CCR6: variants seen among roughly 807,000 people sequenced by gnomAD.
The protein encoded by CCR6 is C-C motif chemokine receptor 6.
CCR6 carries 2 observed loss-of-function variants against 3.0 expected under a neutral mutation model. That is an observed-to-expected ratio of 0.66 (90% CI 0.27 to 2.07). CCR6 has a LOEUF of 2.07. Ranked by LOEUF, CCR6 falls within the 30% of genes most tolerant of loss-of-function variation. The pLI, the probability that CCR6 is intolerant of heterozygous loss-of-function variation, is 0.14. For synonymous variants in CCR6, 193 were observed against 184.3 expected (o/e 1.05, Z -0.38); for missense variants, 322 against 462.8 (o/e 0.70, Z 2.79).
At position 167,136,083 on chromosome 6, in the gene CCR6, C is replaced by A; in HGVS notation, c.-52C>A. On this transcript the variant is annotated 5_prime_UTR_variant, in exon 2 of 3. In the 5' UTR this introduces an upstream ATG that the reference lacks. Transcript: ENST00000341935. This position sits in a 1 kb window ranked among gnomAD's most constrained non-coding sequence, Gnocchi z 4.6. ...TACCGCTGCCTGTGAGCTGAAGGGG[C>A]TGAACCATACACTCCTTTTTCTACA... is the stretch of plus-strand genomic sequence containing the variant. 1 of 1,604,648 alleles carries A rather than the reference C, an allele frequency of 6.2e-7. No individual in the cohort carries two copies.
At chr6:167,134,827 G>A (rs1020964433) in intron 1 of CCR6, 3 of 152,304 alleles carry the variant, frequency 2.0e-5, no homozygotes, top group African/African-American at 4.8e-5. Flanking sequence ...TCAGGCCATG[G>A]ATTTTACTGG....
upstream of CCR6, among the ~76,000 whole-genome samples, chr6:167,122,473 G>A (rs41364647): frequency 9.7e-4 from 148 of 152,282 alleles, no homozygotes; most frequent in Middle Eastern, 3.4e-3. This position sits in a 1 kb window ranked among gnomAD's most constrained non-coding sequence, Gnocchi z 4.2. Context: ...TTAGGTGCCC[G>A]CTTTTGATTG....
intron 1 of CCR6, chr6:167,115,549 T>C (rs1164430032): frequency 1.3e-5 from 2 of 152,194 alleles, no homozygotes; most frequent in African/African-American, 2.4e-5. Context: ...TGTATCTGAC[T>C]TGAAGCAAAA....
chr6:167,132,138 G>T (rs770467252), intron 1 of CCR6, among the ~76,000 whole-genome samples: 1 of 152,170 alleles, frequency 6.6e-6, no homozygotes, highest in African/African-American at 2.4e-5. Flanking sequence ...AGTCACCCCC[G>T]TTGGAGCATG....
chr6:167,133,930 GTGTATATATATATATATATATATATA>G (rs1781807826), intron 1 of CCR6, among the ~76,000 whole-genome samples: 2 of 29,024 alleles, frequency 6.9e-5, no homozygotes, highest in African/African-American at 1.2e-4. Context: ...TGATATATGT[GTGTATATATATATATATATATATATA>G]TATATATATA....
chr6:167,124,054 G>C (rs944612485), intron 1 of CCR6, among the ~76,000 whole-genome samples: 7 of 152,196 alleles, frequency 4.6e-5, no homozygotes, highest in African/African-American at 1.7e-4. Context: ...GGAGGTTGCA[G>C]TGAGCCGAGA....
At chr6:167,128,244 G>C (rs1402195852) in intron 1 of CCR6, among the ~76,000 whole-genome samples, 2 of 152,248 alleles carry the variant, frequency 1.3e-5, no homozygotes, top group African/African-American at 4.8e-5. Flanking sequence ...ACAGGTTCTG[G>C]TGCCTGTGTC....
At chr6:167,129,726 G>A (rs1488093917) in intron 1 of CCR6, 3 of 151,682 alleles carry the variant, frequency 2.0e-5, no homozygotes, top group African/African-American at 7.3e-5. Context: ...GAGATACTCA[G>A]GGGATGAGAC....
upstream of CCR6, chr6:167,121,470 A>G (rs1354140691): frequency 6.6e-6 from 1 of 152,328 alleles, no homozygotes; most frequent in Non-Finnish European, 1.5e-5. Flanking sequence ...CTGAGAACGC[A>G]GGAGGGGTGT....
intron 1 of CCR6, chr6:167,116,259 A>T (rs1323969806): frequency 6.6e-6 from 1 of 152,220 alleles, no homozygotes; most frequent in East Asian, 1.9e-4. Context: ...GCGCTTTCTT[A>T]TGCTGCTGTC....
upstream of CCR6, among the ~76,000 whole-genome samples, chr6:167,120,532 T>C (rs1036839341): frequency 1.1e-4 from 16 of 152,170 alleles, no homozygotes; most frequent in African/African-American, 3.9e-4. Flanking sequence ...GAAACGGTCA[T>C]GGTGACCCAT....
At chr6:167,122,079 G>A (rs1781597757), upstream of CCR6, among the ~76,000 whole-genome samples, 1 of 152,090 alleles carries the variant, frequency 6.6e-6, no homozygotes, top group Non-Finnish European at 1.5e-5. This position sits in a 1 kb window ranked among gnomAD's most constrained non-coding sequence, Gnocchi z 4.2. Flanking sequence ...GGAGCTCAGG[G>A]CTCTGCAGGA....
intron 1 of CCR6, chr6:167,131,125 A>C (rs1007194133): frequency 6.6e-6 from 1 of 152,036 alleles, no homozygotes; most frequent in Non-Finnish European, 1.5e-5. Context: ...GTTCACCAAG[A>C]GTTACTCACT....
At chr6:167,126,930 T>C (rs899647621) in intron 1 of CCR6, among the ~76,000 whole-genome samples, 3 of 152,190 alleles carry the variant, frequency 2.0e-5, no homozygotes, top group South Asian at 2.1e-4. Context: ...TCTGACATGA[T>C]TGTCAGTTTC....
At chr6:167,135,508 C>T (rs1347985053) in intron 1 of CCR6, among the ~76,000 whole-genome samples, 1 of 152,240 alleles carries the variant, frequency 6.6e-6, no homozygotes, top group African/African-American at 2.4e-5. Flanking sequence ...ACTGGAGATT[C>T]TCACATGCCC....
intron 1 of CCR6, among the ~76,000 whole-genome samples, chr6:167,113,290 G>A (rs1264315558): frequency 6.6e-6 from 1 of 151,970 alleles, no homozygotes; most frequent in Non-Finnish European, 1.5e-5. Context: ...GTTCTGATAA[G>A]GGGGGGCTGT....
rs2114939008 is a variant in CCR6 at position 167,136,044 on chromosome 6, C to T, written c.-91C>T. The stretch of plus-strand genomic sequence containing the variant: ...TGCCTTCTTTCCTTCTTAGAGTCAC[C>T]TCTACTTTCCTGCTACCGCTGCCTG... On this transcript the variant is annotated 5_prime_UTR_variant, in exon 2 of 3. Coordinates refer to ENST00000341935, the MANE Select transcript of CCR6 (RefSeq NM_031409.4). The surrounding 1 kb of genome is among the most constrained non-coding windows in gnomAD (Gnocchi z 4.6). 1 of 1,453,114 alleles carries T rather than the reference C, an allele frequency of 6.9e-7. No individual in the cohort carries two copies. The highest frequency in any genetic ancestry group is 9.4e-7 in the Non-Finnish European group (1 of 1,060,480). The allele number at this position is 1,453,114 out of a possible 1,614,324, so 90.0% of individuals were successfully genotyped here.
intron 1 of CCR6, among the ~76,000 whole-genome samples, chr6:167,126,892 T>C (rs1398524513): frequency 2.0e-5 from 3 of 152,210 alleles, no homozygotes; most frequent in African/African-American, 7.2e-5. Context: ...CCTGCCATCA[T>C]GTGAAGAAGG....
intron 1 of CCR6, among the ~76,000 whole-genome samples, chr6:167,130,568 T>C (rs1409209659): frequency 6.6e-6 from 1 of 151,782 alleles, no homozygotes; most frequent in Non-Finnish European, 1.5e-5. Context: ...GTTTTTCCTG[T>C]GAAAACAGTG....
Sources: gnomAD v4.1 joint callset for allele counts (sites outside exome capture counted in the v4.1 genomes callset) on GRCh38, gnomAD v4.1.1 for gene constraint, Gnocchi (gnomAD v3.1) non-coding constraint, MANE v1.5 for transcripts, NCBI Gene and HGNC (gene_info 2026-07-23, HGNC 2026-07-21) for gene names.